The following STAB2 variants were observed in gnomAD, a reference collection of about 807,000 sequenced individuals.
STAB2 encodes stabilin-2.
Under a neutral mutation model 338.1 loss-of-function variants are expected in STAB2, and 288 were observed. The ratio of observed to expected loss-of-function variants is 0.85; its 90% CI spans 0.77 to 0.94. The LOEUF (loss-of-function observed/expected upper bound fraction) is 0.94, where lower values mean the gene tolerates loss of function less well. Ranked by LOEUF, STAB2 falls within the 40% of genes least tolerant of loss-of-function variation. The probability of loss-of-function intolerance (pLI) is 0.00; values close to 1 mark genes in which losing one functional copy is unlikely to be tolerated. For synonymous variants in STAB2, 1,202 were observed against 1,193.3 expected (o/e 1.01, Z -0.15); for missense variants, 3,141 against 3,210.1 (o/e 0.98, Z 0.52).
intron 56 of STAB2, among the ~76,000 whole-genome samples, chr12:103,744,608 A>T (rs1003515654): frequency 6.6e-6 from 1 of 151,678 alleles, no homozygotes; most frequent in Non-Finnish European, 1.5e-5. Context: ...CTGGGACTAA[A>T]GGCGTGTACC....
rs1380899854 is a variant in STAB2, at chr12:103,683,210, G to A, written c.2811G>A (p.Glu937=). Residue 937 remains glutamate (E), a synonymous_variant, in exon 26 of 69, where the codon GAG becomes GAA. Coordinates refer to ENST00000388887, the MANE Select transcript of STAB2 (RefSeq NM_017564.10). ...CTCTGTTCTTAAAATTATAGAATGA[G>A]TGTGAGTGCAAGAAAGGATTTCGAG... is the stretch of plus-strand genomic sequence containing the variant. ...SCLYVGPGQN[E]CECKKGFRGN... The A allele has an allele frequency of 1.2e-6, 2 of 1,612,432 alleles. No individual in the cohort carries two copies. Among genetic ancestry groups the A allele is most frequent in the Admixed American group, 3.3e-5 (2 of 59,790 alleles).
intron 11 of STAB2, 41 bp from the exon 12 acceptor site, chr12:103,652,515 T>G (rs755128639): frequency 2.0e-6 from 3 of 1,523,196 alleles, no homozygotes; most frequent in Non-Finnish European, 2.6e-6. Context: ...AAAACTCATT[T>G]TCTTCTTCAA....
chr12:103,665,122 C>T (rs1874961869), intron 18 of STAB2, among the ~76,000 whole-genome samples: 1 of 152,200 alleles, frequency 6.6e-6, no homozygotes, highest in South Asian at 2.1e-4. Flanking sequence ...ACTAGTTTCT[C>T]TAGGTTTAAA....
chr12:103,702,685 A>G (rs1879006580), intron 34 of STAB2, among the ~76,000 whole-genome samples: 1 of 152,254 alleles, frequency 6.6e-6, no homozygotes, highest in South Asian at 2.1e-4. Context: ...ACATACTGAA[A>G]GGAACAGTTG....
intron 9 of STAB2, among the ~76,000 whole-genome samples, chr12:103,642,117 T>G (rs968918402): frequency 6.6e-6 from 1 of 152,232 alleles, no homozygotes; most frequent in African/African-American, 2.4e-5. Flanking sequence ...TTCCCTCACC[T>G]GTCAAGTAGG....
chr12:103,587,898 A>G (rs1470719167), intron 1 of STAB2, among the ~76,000 whole-genome samples: 1 of 152,210 alleles, frequency 6.6e-6, no homozygotes, highest in Non-Finnish European at 1.5e-5. Context: ...CCTGACTAGA[A>G]AATAACTATG....
intron 25 of STAB2, 44 bp downstream of exon 25, chr12:103,677,655 C>T: frequency 6.3e-7 from 1 of 1,583,436 alleles, no homozygotes; most frequent in Non-Finnish European, 8.6e-7. Context: ...AGGAATCCTG[C>T]AGTGACTTTG....
intron 25 of STAB2, among the ~76,000 whole-genome samples, chr12:103,680,162 G>A (rs888545267): frequency 6.6e-6 from 1 of 152,182 alleles, no homozygotes; most frequent in Non-Finnish European, 1.5e-5. Context: ...TAACGGGTCT[G>A]GAGTTTCAGT....
Position 103,766,220 on chromosome 12 carries a change from C to CAGAA in STAB2, c.7606-62_7606-59dup, listed in dbSNP as rs1232989353. 11 of 1,603,016 alleles carry CAGAA rather than the reference C, an allele frequency of 6.9e-6. No homozygotes were observed. In the African/African-American group the frequency reaches 9.4e-5, roughly 14 times the overall value. On this transcript the variant is annotated intron_variant, in intron 68 of 68. Coordinates refer to ENST00000388887, the MANE Select transcript of STAB2 (RefSeq NM_017564.10). ...AGTCATGCCTCAGACCAGTGGCCAC[C>CAGAA]AGAAAGATTCAACTAGGACTCAACA...
At chr12:103,721,107 T>A (rs1270805993) in intron 44 of STAB2, among the ~76,000 whole-genome samples, 2 of 146,364 alleles carry the variant, frequency 1.4e-5, no homozygotes, top group African/African-American at 5.5e-5. Context: ...CCTAATGACC[T>A]TCTAAAGGCC....
intron 9 of STAB2, 106 bp downstream of exon 9, chr12:103,640,362 G>T: frequency 7.0e-7 from 1 of 1,433,858 alleles, no homozygotes; most frequent in Non-Finnish European, 9.5e-7. Context: ...ATTCAGCCTT[G>T]CATCCACCCC....
intron 2 of STAB2, among the ~76,000 whole-genome samples, chr12:103,593,909 T>C (rs896512372): frequency 2.6e-5 from 4 of 152,244 alleles, no homozygotes; most frequent in African/African-American, 7.2e-5. Flanking sequence ...AAGGATATTG[T>C]GGGAAATGTT....
chr12:103,748,737 C>T (rs537132740), intron 58 of STAB2, among the ~76,000 whole-genome samples: 1 of 152,088 alleles, frequency 6.6e-6, no homozygotes, highest in Admixed American at 6.6e-5. Context: ...ACAAAGGGGG[C>T]AGAAGCGGAC....
In STAB2 at chr12:103,735,653, C is replaced by T. The variant is rs2139098164; in HGVS notation, c.5550+73C>T. The T allele has an allele frequency of 1.7e-5, 20 of 1,190,486 alleles. No individual in the cohort carries two copies. The South Asian group carries it at 2.9e-4, about 17-fold the overall frequency. The allele number at this position is 1,190,486 out of a possible 1,614,324, so 73.7% of individuals were successfully genotyped here. ...AGCAAGCTATTCCCCAACAACTGCC[C>T]CTTCAAGGAGATGTTCATTTTTTCC... On this transcript the variant is annotated intron_variant, in intron 52 of 68. Coordinates refer to ENST00000388887, the MANE Select transcript of STAB2 (RefSeq NM_017564.10).
chr12:103,670,885 G>C lies in STAB2; in HGVS notation c.2371+78G>C, dbSNP rs1165125496. The C allele has an allele frequency of 7.4e-6, 9 of 1,222,796 alleles. No individual in the cohort carries two copies. In the East Asian group the frequency reaches 2.3e-4, roughly 31 times the overall value. The allele number at this position is 1,222,796 out of a possible 1,614,324, so 75.7% of individuals were successfully genotyped here. Reference sequence around the variant, plus strand: ...TGCTGCAGCAGGGTGCTGGTGCAGGGCTGGTGTCTCAGGACCCCTTTGCTT... The same window carrying C: ...TGCTGCAGCAGGGTGCTGGTGCAGGCCTGGTGTCTCAGGACCCCTTTGCTT... On this transcript the variant is annotated intron_variant, in intron 22 of 68. Coordinates refer to ENST00000388887, the MANE Select transcript of STAB2 (RefSeq NM_017564.10).
rs372552200 is a variant in STAB2, at chr12:103,660,338, G to A, written c.1742G>A (p.Arg581Gln). Residue 581 changes from arginine to glutamine, a missense_variant, in exon 16 of 69, where the codon CGG becomes CAG. Physicochemically the swap from Arg to Gln is conservative, Grantham distance 43. Coordinates refer to ENST00000388887, the MANE Select transcript of STAB2 (RefSeq NM_017564.10). The stretch of plus-strand genomic sequence containing the variant: ...TATTTGGTTCCTTTGCAGGGATCTC[G>A]GAAGCTTCTGGAACTCGTCAGATAC... Reference protein sequence around the residue: ...LDYLLSPEGSRKLLELVRYHI... With the variant: ...LDYLLSPEGSQKLLELVRYHI... The A allele has an allele frequency of 1.2e-5, 19 of 1,613,954 alleles. No individual in the cohort carries two copies. Among genetic ancestry groups the A allele is most frequent in the African/African-American group, 6.7e-5 (5 of 74,866 alleles).
chr12:103,712,394 T>A lies in STAB2; in HGVS notation c.4362T>A (p.Ala1454=). ...GCCTCACCAACTCAGATGGTACAGC[T>A]TCATGCAAGTGTGCAGCAGGATTCC... The part of the protein sequence containing the change: ...ANCLTNSDGT[A]SCKCAAGFQG... The change falls in exon 41 of 69, where the codon GCT becomes GCA. Residue 1454 remains alanine, a synonymous_variant. Coordinates refer to ENST00000388887, the MANE Select transcript of STAB2 (RefSeq NM_017564.10). The A allele has an allele frequency of 6.2e-7, 1 of 1,614,114 alleles. No individual in the cohort carries two copies. Among genetic ancestry groups the A allele is most frequent in the Non-Finnish European group, 8.5e-7 (1 of 1,179,988 alleles).
At chr12:103,743,229 T>C (rs1032782572) in intron 56 of STAB2, among the ~76,000 whole-genome samples, 3 of 151,098 alleles carry the variant, frequency 2.0e-5, no homozygotes, top group Non-Finnish European at 4.4e-5. Flanking sequence ...TCCATGTTGG[T>C]CAGGCTGGTC....
At position 103,666,357 on chromosome 12, in the gene STAB2, A is replaced by C; in HGVS notation, c.2085+4A>C. The stretch of plus-strand genomic sequence containing the variant: ...TCCTGCTAACTCTGAGCCCACAGTG[A>C]GTGTGACAGCTTCATGAAAGCACAG... On this transcript the variant is annotated splice_donor_region_variant and intron_variant, in intron 19 of 68. Transcript: ENST00000388887. 6.2e-7 allele frequency: 1 copy of C among 1,614,164 alleles called. No homozygotes were observed. The highest frequency in any genetic ancestry group is 8.5e-7 in the Non-Finnish European group (1 of 1,180,008).
Sources: gnomAD v4.1 joint callset for allele counts (sites outside exome capture counted in the v4.1 genomes callset) on GRCh38, gnomAD v4.1.1 for gene constraint, MANE v1.5 for transcripts, NCBI Gene and HGNC (gene_info 2026-07-23, HGNC 2026-07-21) for gene names.